The following SYN3 variants were observed in gnomAD, a reference collection of about 807,000 sequenced individuals.
The protein encoded by SYN3 is synapsin III.
A neutral mutation model predicts 65.8 loss-of-function variants in SYN3; 35 were observed. The ratio of observed to expected loss-of-function variants is 0.53; its 90% confidence interval spans 0.41 to 0.70. SYN3 has a LOEUF of 0.70. Ranked by LOEUF, SYN3 falls within the 30% of genes least tolerant of loss-of-function variation. SYN3 has a pLI of 0.00. For synonymous variants in SYN3, 270 were observed against 292.9 expected (o/e 0.92, Z 0.80); for missense variants, 680 against 749.0 (o/e 0.91, Z 1.08).
intron 6 of SYN3, among the ~76,000 whole-genome samples, chr22:32,806,016 C>A (rs2046724839): frequency 6.6e-6 from 1 of 151,774 alleles, no homozygotes; most frequent in Admixed American, 6.6e-5. Flanking sequence ...GGAAAAGACC[C>A]TTGAAACCAT....
intron 5 of SYN3, among the ~76,000 whole-genome samples, chr22:32,868,382 A>C (rs1352375362): frequency 6.6e-6 from 1 of 151,456 alleles, no homozygotes; most frequent in Non-Finnish European, 1.5e-5. Context: ...TATATCATAT[A>C]TTACATGTAA....
intron 3 of SYN3, among the ~76,000 whole-genome samples, chr22:32,932,709 T>C (rs1379158878): frequency 6.6e-6 from 1 of 152,164 alleles, no homozygotes; most frequent in Non-Finnish European, 1.5e-5. Flanking sequence ...ATGGAATACA[T>C]CCCTCTTACC....
chr22:32,924,965 G>A (rs2050430365), intron 4 of SYN3, among the ~76,000 whole-genome samples: 1 of 152,156 alleles, frequency 6.6e-6, no homozygotes, highest in Admixed American at 6.5e-5. Flanking sequence ...GGTGGCATGT[G>A]CCTGTAGTCC....
intron 4 of SYN3, among the ~76,000 whole-genome samples, chr22:32,898,740 A>G (rs1364363598): frequency 6.6e-6 from 1 of 152,196 alleles, no homozygotes; most frequent in African/African-American, 2.4e-5. Context: ...GTCCTAACTT[A>G]GTCCTTATGA....
At chr22:32,666,771 T>G (rs988647428) in intron 6 of SYN3, among the ~76,000 whole-genome samples, 5 of 152,238 alleles carry the variant, frequency 3.3e-5, no homozygotes, top group African/African-American at 1.2e-4. Context: ...TGTTGGAATG[T>G]AATTGCTTAT....
intron 10 of SYN3, chr22:32,530,169 C>G (rs1480882932): frequency 6.6e-6 from 1 of 152,280 alleles, no homozygotes; most frequent in African/African-American, 2.4e-5. Flanking sequence ...CAGGTGTGCC[C>G]TCCACAGACA....
intron 8 of SYN3, among the ~76,000 whole-genome samples, chr22:32,541,177 C>T (rs948117575): frequency 2.0e-5 from 3 of 152,174 alleles, no homozygotes; most frequent in Admixed American, 1.3e-4. Context: ...GCCTCATGGT[C>T]ACCTTTTTAT....
At chr22:33,026,159 C>G (rs1443357906) in intron 1 of SYN3, among the ~76,000 whole-genome samples, 1 of 152,176 alleles carries the variant, frequency 6.6e-6, no homozygotes, top group African/African-American at 2.4e-5. Flanking sequence ...TTCATTCATG[C>G]CATTGGGGGT....
intron 6 of SYN3, among the ~76,000 whole-genome samples, chr22:32,601,440 G>A (rs963029484): frequency 9.9e-5 from 15 of 152,098 alleles, no homozygotes; most frequent in Non-Finnish European, 2.2e-4. Flanking sequence ...ACCACGCCCG[G>A]CTAATATTTT....
At chr22:32,620,355 T>G (rs1220992479) in intron 6 of SYN3, among the ~76,000 whole-genome samples, 1 of 152,200 alleles carries the variant, frequency 6.6e-6, no homozygotes, top group Non-Finnish European at 1.5e-5. Flanking sequence ...GAAAGGCATA[T>G]TTCTCTACTT....
intron 6 of SYN3, among the ~76,000 whole-genome samples, chr22:32,831,853 C>T (rs188572608): frequency 2.0e-5 from 3 of 152,232 alleles, no homozygotes; most frequent in Admixed American, 2.0e-4. Flanking sequence ...CTGCACCCCC[C>T]CCAACCTCCA....
chr22:32,763,748 G>GT (rs889429994), intron 6 of SYN3, among the ~76,000 whole-genome samples: 13 of 151,998 alleles, frequency 8.6e-5, no homozygotes, highest in Non-Finnish European at 1.5e-4. Flanking sequence ...TTTTTGTTTT[G>GT]TTTTTTCACT....
chr22:32,886,185 T>C (rs1022439029), intron 4 of SYN3, among the ~76,000 whole-genome samples: 5 of 152,212 alleles, frequency 3.3e-5, no homozygotes, highest in African/African-American at 1.2e-4. Context: ...ATTTTAAAAA[T>C]GCAATAGTAA....
chr22:32,852,931 C>T (rs141901916), intron 6 of SYN3, among the ~76,000 whole-genome samples: 557 of 152,260 alleles, frequency 3.7e-3, no homozygotes, highest in Non-Finnish European at 5.2e-3. Context: ...GTTTATGTAG[C>T]GGAGACATGC....
Position 32,859,613 on chromosome 22 carries a change from T to C in SYN3, c.711+5302A>G, listed in dbSNP as rs1236912478. The C allele has an allele frequency of 1.4e-5, 8 of 557,156 alleles. No homozygotes were observed. The African/African-American group carries it at 1.5e-4, about 10-fold the overall frequency. 34.5% of individuals were successfully genotyped at this position (557,156 alleles called of 1,614,324 possible). A position where few individuals can be genotyped will look rare whatever the true frequency, so the allele number is the denominator to read the frequency against. On this transcript the variant is annotated intron_variant, in intron 6 of 13. Coordinates refer to ENST00000358763, the MANE Select transcript of SYN3 (RefSeq NM_003490.4). Reference sequence around the variant, plus strand: ...TCATTCATTTCCACCTGGGAATTTCTGGTGCCATGCCAGAAAGAATGAGGA... The same window carrying C: ...TCATTCATTTCCACCTGGGAATTTCCGGTGCCATGCCAGAAAGAATGAGGA...
chr22:32,650,861 A>G (rs1274427741), intron 6 of SYN3, among the ~76,000 whole-genome samples: 4 of 152,330 alleles, frequency 2.6e-5, no homozygotes, highest in East Asian at 3.9e-4. Context: ...GGCCAAAAAT[A>G]TTACAATACC....
chr22:32,746,853 A>T (rs2145628552), intron 6 of SYN3, among the ~76,000 whole-genome samples: 1 of 152,312 alleles, frequency 6.6e-6, no homozygotes, highest in Middle Eastern at 3.4e-3. Context: ...TTTCCCATTA[A>T]GCCAGACATT....
intron 1 of SYN3, among the ~76,000 whole-genome samples, chr22:33,012,958 G>T (rs470007): frequency 0.71 from 108,231 of 152,172 alleles, 39,095 homozygotes; most frequent in African/African-American, 0.79. Context: ...TCGTTTTAAA[G>T]ATTTTTTCCA....
chr22:32,819,473 A>G (rs2047176881), intron 6 of SYN3, among the ~76,000 whole-genome samples: 1 of 152,190 alleles, frequency 6.6e-6, no homozygotes, highest in African/African-American at 2.4e-5. Flanking sequence ...ATTTCTAAGG[A>G]TGTCCATTGA....
Sources: allele counts gnomAD v4.1 joint callset (sites outside exome capture counted in the v4.1 genomes callset), GRCh38; gene constraint gnomAD v4.1.1; transcripts MANE v1.5; gene names NCBI Gene and HGNC (gene_info 2026-07-23, HGNC 2026-07-21).